RPLP0: variants seen among roughly 807,000 people sequenced by gnomAD.
RPLP0 encodes ribosomal protein lateral stalk subunit P0, also known as large ribosomal subunit protein uL10.
For synonymous variants in RPLP0, 137 were observed against 153.4 expected, an observed-to-expected ratio of 0.89 and a Z score of 0.79; for missense variants, 276 against 402.9, an observed-to-expected ratio of 0.69 and a Z score of 2.70.
chr12:120,196,925 A>C lies in RPLP0; in HGVS notation c.802T>G (p.Phe268Val), dbSNP rs757119523. The change falls in exon 8 of 8, where the codon TTC (phenylalanine) becomes GTC (valine). Residue 268 changes from phenylalanine (F) to valine (V), a missense_variant. Phe to Val is a conservative substitution (Grantham distance 50). Coordinates refer to ENST00000392514, the MANE Select transcript of RPLP0 (RefSeq NM_001002.4). Reference sequence around the variant, plus strand: ...ACAAAGGCAGATGGATCAGCCAAGAAGGCCTTGACCTGAAAGGAGGGGGGA... The same window carrying C: ...ACAAAGGCAGATGGATCAGCCAAGACGGCCTTGACCTGAAAGGAGGGGGGA... ...TFPLAEKVKAFLADPSAFVAA... is the reference protein window; with the variant it reads ...TFPLAEKVKAVLADPSAFVAA... 4 of 1,613,348 alleles carry C rather than the reference A, an allele frequency of 2.5e-6. No homozygotes were observed. The highest frequency in any genetic ancestry group is 3.4e-6 in the Non-Finnish European group (4 of 1,179,998).
chr12:120,199,435 C>T lies in RPLP0; in HGVS notation c.105G>A (p.Val35=), dbSNP rs11548369. 6.2e-7 allele frequency: 1 copy of T among 1,614,102 alleles called. No individual in the cohort carries two copies. The highest frequency in any genetic ancestry group is 8.5e-7 in the Non-Finnish European group (1 of 1,180,026). Residue 35 remains valine, a synonymous_variant, in exon 3 of 8, where the codon GTG becomes GTA. Coordinates refer to ENST00000392514, the MANE Select transcript of RPLP0 (RefSeq NM_001002.4). ...PKCFIVGADN[V]GSKQMQQIRM... is the part of the protein sequence containing the mutation. The stretch of plus-strand genomic sequence containing the variant: ...GGATCTGCTGCATCTGCTTGGAGCC[C>T]ACATTGTCTGCTCCCACAATGAAAC...
chr12:120,198,745 CCAGAT>C lies in RPLP0; in HGVS notation c.466-11_466-7del. On this transcript the variant is annotated splice_polypyrimidine_tract_variant and splice_region_variant and intron_variant, in intron 5 of 7. Transcript: ENST00000392514. This position sits in a 1 kb window ranked among gnomAD's most constrained non-coding sequence, Gnocchi z 4.1. Reference sequence around the variant, plus strand: ...TTGATCAGCTGCACATCACTCTGAACCAGATAATAGTGGGGCAGTAAACACCTGTT... The same window carrying C: ...TTGATCAGCTGCACATCACTCTGAACAATAGTGGGGCAGTAAACACCTGTT... The C allele has an allele frequency of 1.2e-6, 2 of 1,613,756 alleles. No individual in the cohort carries two copies. The highest frequency in any genetic ancestry group is 2.2e-5 in the South Asian group (2 of 91,084).
chr12:120,197,068 AG>A (rs1231069336), intron 7 of RPLP0, 134 bp from the exon 8 acceptor site: 1 of 1,464,126 alleles, frequency 6.8e-7, no homozygotes, highest in Non-Finnish European at 9.4e-7. Context: ...AAGCAGCCCA[AG>A]CAGGACAGCT....
At chr12:120,200,562 T>A in intron 2 of RPLP0, 168 bp downstream of exon 2, 1 of 677,766 alleles carries the variant, frequency 1.5e-6, no homozygotes, top group Non-Finnish European at 2.4e-6. Context: ...AGCCCGTTTA[T>A]CTGCAACAGA....
intron 6 of RPLP0, chr12:120,197,838 G>A (rs1039490844): frequency 4.3e-5 from 9 of 208,902 alleles, no homozygotes; most frequent in African/African-American, 1.6e-4. Flanking sequence ...CTACCTAAGA[G>A]TAGCTAATAA....
intron 6 of RPLP0, chr12:120,197,951 CAG>C (rs1372743806): frequency 5.4e-5 from 9 of 165,188 alleles, no homozygotes; most frequent in South Asian, 1.5e-4. Flanking sequence ...TTTTGTGAGA[CAG>C]AGTCTCACTC....
Position 120,198,228 on chromosome 12 carries a change from C to CA in RPLP0, c.651+325dup. ...GCTAACGCGGTGAAACCTAAAAATACAAAAAAATTAGCCGGGCGTAGTGGC... is the reference window on the plus strand; with the variant it reads ...GCTAACGCGGTGAAACCTAAAAATACAAAAAAAATTAGCCGGGCGTAGTGGC... On this transcript the variant is annotated intron_variant, in intron 6 of 7. Transcript: ENST00000392514. This position sits in a 1 kb window ranked among gnomAD's most constrained non-coding sequence, Gnocchi z 4.1. The CA allele has an allele frequency of 6.9e-6, 2 of 291,870 alleles. No individual in the cohort carries two copies. The highest frequency in any genetic ancestry group is 3.4e-5 in the South Asian group (1 of 29,038). 18.1% of individuals were successfully genotyped at this position (291,870 alleles called of 1,614,324 possible).
At chr12:120,196,975 T>G in intron 7 of RPLP0, 41 bp from the exon 8 acceptor site, 1 of 1,611,210 alleles carries the variant, frequency 6.2e-7, no homozygotes, top group Non-Finnish European at 8.5e-7. Flanking sequence ...TCATCCACAC[T>G]CCTCTATTAC....
At chr12:120,197,629 GC>G in intron 6 of RPLP0, 167 bp from the exon 7 acceptor site, 1 of 738,274 alleles carries the variant, frequency 1.4e-6, no homozygotes, top group Non-Finnish European at 2.2e-6. Flanking sequence ...GAGCAATTCA[GC>G]CCCATCAAAT....
At chr12:120,200,341 T>A in intron 2 of RPLP0, 1 of 328,974 alleles carries the variant, frequency 3.0e-6, no homozygotes, top group East Asian at 8.6e-5. Flanking sequence ...CGCGCCCCTG[T>A]AATCCCAGCT....
intron 2 of RPLP0, chr12:120,200,181 G>C (rs529260617): frequency 5.8e-5 from 26 of 446,944 alleles, no homozygotes; most frequent in African/African-American, 3.0e-4. Context: ...ACTGTAATGT[G>C]CGGCCGGGCG....
intron 2 of RPLP0, chr12:120,199,941 G>A: frequency 2.3e-6 from 1 of 435,010 alleles, no homozygotes; most frequent in Non-Finnish European, 4.6e-6. Context: ...TTTTGTGTCT[G>A]AAAACCTTCT....
intron 7 of RPLP0, 185 bp from the exon 8 acceptor site, chr12:120,197,119 T>C: frequency 9.0e-7 from 1 of 1,104,986 alleles, no homozygotes; most frequent in Non-Finnish European, 1.3e-6. Flanking sequence ...AAGGCCCAGC[T>C]CTTGCCCATT....
chr12:120,197,075 C>T (rs1162826451), intron 7 of RPLP0, 141 bp from the exon 8 acceptor site: 4 of 1,430,528 alleles, frequency 2.8e-6, no homozygotes, highest in Admixed American at 1.9e-5. Context: ...CCAAGCAGGA[C>T]AGCTTGGGTA....
chr12:120,200,106 T>A (rs1347529514), intron 2 of RPLP0: 1 of 455,958 alleles, frequency 2.2e-6, no homozygotes, highest in Non-Finnish European at 4.4e-6. Context: ...GTCCTAAATA[T>A]GCAACAGCTT....
rs1206207050 is a variant in RPLP0 at position 120,198,759 on chromosome 12, G to C, written c.466-20C>G. On this transcript the variant is annotated intron_variant, in intron 5 of 7. Transcript: ENST00000392514. The surrounding 1 kb of genome is among the most constrained non-coding windows in gnomAD (Gnocchi z 4.1). The stretch of plus-strand genomic sequence containing the variant: ...ATCACTCTGAACCAGATAATAGTGG[G>C]GCAGTAAACACCTGTTGGACAACCA... The C allele has an allele frequency of 2.5e-6, 4 of 1,612,212 alleles. No homozygotes were observed. In the African/African-American group the frequency reaches 5.3e-5, roughly 22 times the overall value.
At chr12:120,200,273 G>A in intron 2 of RPLP0, 1 of 355,092 alleles carries the variant, frequency 2.8e-6, no homozygotes, top group Middle Eastern at 5.7e-4. Flanking sequence ...GACCATCCTG[G>A]CCAACATGGT....
rs1311139645 is a variant in RPLP0, at chr12:120,201,096, G to A, written c.-62C>T. The A allele has an allele frequency of 3.1e-5, 11 of 358,956 alleles. No individual in the cohort carries two copies. The highest frequency in any genetic ancestry group is 5.5e-5 in the Non-Finnish European group (11 of 198,476). 22.2% of individuals were successfully genotyped at this position (358,956 alleles called of 1,614,324 possible). A position where few individuals can be genotyped will look rare whatever the true frequency, so the allele number is the denominator to read the frequency against. ...TAGCACACGAACCTTCCACGAGGAC[G>A]CCTGGCGAGAGAAGGGCCTCGCGCC... On this transcript the variant is annotated 5_prime_UTR_variant, in exon 1 of 8. Coordinates refer to ENST00000392514, the MANE Select transcript of RPLP0 (RefSeq NM_001002.4).
At chr12:120,200,985 G>A (rs1384337361) in intron 1 of RPLP0, 98 bp downstream of exon 1, 4 of 882,900 alleles carry the variant, frequency 4.5e-6, no homozygotes, top group Admixed American at 6.0e-5. Context: ...GAGGCCCCAG[G>A]CGGAACAGAA....
Sources: allele counts gnomAD v4.1 joint callset, GRCh38; gene constraint gnomAD v4.1.1; non-coding constraint Gnocchi (gnomAD v3.1); transcripts MANE v1.5; gene names NCBI Gene and HGNC (gene_info 2026-07-23, HGNC 2026-07-21).